Variants in OPCML observed in about 807,000 individuals in gnomAD.
OPCML encodes opioid binding protein/cell adhesion molecule like.
In OPCML, 13 loss-of-function variants were observed where a neutral mutation model predicts 37.8. The ratio of observed to expected loss-of-function variants is 0.34; its 90% CI spans 0.22 to 0.55. The LOEUF (loss-of-function observed/expected upper bound fraction) is 0.55. Ranked by LOEUF, OPCML falls within the 20% of genes least tolerant of loss-of-function variation. The probability of loss-of-function intolerance (pLI) is 0.91; values close to 1 mark genes in which losing one functional copy is unlikely to be tolerated. For synonymous variants in OPCML, 176 were observed against 168.8 expected, an observed-to-expected ratio of 1.04 and a Z score of -0.33; for missense variants, 341 against 435.6, an observed-to-expected ratio of 0.78 and a Z score of 1.93.
rs546846977 is a variant in OPCML at position 133,135,681 on chromosome 11, C to G, written c.62-192671G>C. Among the ~76,000 whole-genome samples, 4 of 152,276 alleles carry G rather than the reference C, an allele frequency of 2.6e-5. No individual in the cohort carries two copies. In the East Asian group the frequency reaches 7.7e-4, roughly 29 times the overall value. Reference sequence around the variant, plus strand: ...GCAGAAGACTCCCAAAATACAGATGCGAAGACTGAGGCTCTATGGAGTTAA... The same window carrying G: ...GCAGAAGACTCCCAAAATACAGATGGGAAGACTGAGGCTCTATGGAGTTAA... On this transcript the variant is annotated intron_variant, in intron 1 of 7. Coordinates refer to ENST00000524381, the MANE Select transcript of OPCML (RefSeq NM_001012393.5).
At chr11:133,219,981 C>T (rs545245156) in intron 1 of OPCML, among the ~76,000 whole-genome samples, 2 of 152,348 alleles carry the variant, frequency 1.3e-5, no homozygotes, top group South Asian at 4.1e-4. Context: ...GAGATAGTTG[C>T]AGTAACATCT....
At chr11:133,335,247 G>A (rs777407258) in intron 1 of OPCML, among the ~76,000 whole-genome samples, 12 of 152,166 alleles carry the variant, frequency 7.9e-5, no homozygotes, top group Non-Finnish European at 1.5e-4. Context: ...TATAATAAAG[G>A]AAGCTCAGGC....
intron 1 of OPCML, among the ~76,000 whole-genome samples, chr11:133,019,522 T>C (rs556258472): frequency 6.6e-6 from 1 of 152,356 alleles, no homozygotes; most frequent in Non-Finnish European, 1.5e-5. Context: ...TCATGTCTTC[T>C]TGTCCATTTC....
At chr11:133,291,627 A>C (rs1942476835) in intron 1 of OPCML, among the ~76,000 whole-genome samples, 1 of 151,918 alleles carries the variant, frequency 6.6e-6, no homozygotes, top group Non-Finnish European at 1.5e-5. Context: ...CACTCTTCCC[A>C]CTGCTTCTTA....
chr11:132,952,941 A>C (rs10750517), intron 1 of OPCML, among the ~76,000 whole-genome samples: 95,648 of 151,996 alleles, frequency 0.63, 30,643 homozygotes, highest in East Asian at 0.72. Flanking sequence ...AGACAAACAA[A>C]AGTAACATGA....
At chr11:133,003,944 C>A in intron 1 of OPCML, 9 of 985,446 alleles carry the variant, frequency 9.1e-6, no homozygotes, top group Non-Finnish European at 1.1e-5. Flanking sequence ...TGGCAGCACC[C>A]GGCACACTGT....
At chr11:132,433,597 A>G (rs774103409) in intron 7 of OPCML, among the ~76,000 whole-genome samples, 1 of 152,134 alleles carries the variant, frequency 6.6e-6, no homozygotes, top group Non-Finnish European at 1.5e-5. Flanking sequence ...GCATCCCTCT[A>G]CTACCGAATG....
At chr11:132,966,990 T>G (rs1946229301) in intron 1 of OPCML, among the ~76,000 whole-genome samples, 1 of 152,012 alleles carries the variant, frequency 6.6e-6, no homozygotes, top group East Asian at 1.9e-4. Context: ...TCTAACAATC[T>G]CTGCCTTTTG....
chr11:133,140,943 A>C lies in OPCML; in HGVS notation c.62-197933T>G, dbSNP rs375406106. ...AAGACGACGACGACGAAGAAGAAGA[A>C]GACGACGAAGAAGAAGAAGAAGAAG... is the stretch of plus-strand genomic sequence containing the variant. On this transcript the variant is annotated intron_variant, in intron 1 of 7. Transcript: ENST00000524381. 2.6e-3 allele frequency among the ~76,000 whole-genome samples: 35 copies of C among 13,672 alleles called. 6 individuals carry two copies. Among genetic ancestry groups the C allele is most frequent in the African/African-American group, 5.2e-3 (32 of 6,194 alleles). The allele number at this position is 13,672 out of a possible 152,430, so 9.0% of individuals were successfully genotyped here. A position where few individuals can be genotyped will look rare whatever the true frequency, so the allele number is the denominator to read the frequency against.
chr11:132,764,253 G>A (rs933291657), intron 2 of OPCML, among the ~76,000 whole-genome samples: 3 of 152,228 alleles, frequency 2.0e-5, no homozygotes, highest in African/African-American at 7.2e-5. Flanking sequence ...GAAAGTGGAA[G>A]TATAGAGTGG....
chr11:132,536,916 T>C (rs2096342276), intron 3 of OPCML, among the ~76,000 whole-genome samples: 1 of 152,270 alleles, frequency 6.6e-6, no homozygotes, highest in Non-Finnish European at 1.5e-5. Context: ...GAGCTGTATG[T>C]GCACTTGTGT....
intron 1 of OPCML, among the ~76,000 whole-genome samples, chr11:133,319,494 G>A (rs532853174): frequency 6.6e-6 from 1 of 152,234 alleles, no homozygotes; most frequent in Non-Finnish European, 1.5e-5. Flanking sequence ...TAGTGGCAAC[G>A]CTTCTGTGAT....
intron 2 of OPCML, among the ~76,000 whole-genome samples, chr11:132,725,208 G>A (rs530708778): frequency 6.2e-4 from 94 of 152,314 alleles, no homozygotes; most frequent in African/African-American, 2.2e-3. Flanking sequence ...ATATCCAGGC[G>A]TTTTCATACA....
intron 1 of OPCML, among the ~76,000 whole-genome samples, chr11:133,130,144 C>A (rs1016345240): frequency 6.6e-6 from 1 of 151,442 alleles, no homozygotes; most frequent in Non-Finnish European, 1.5e-5. Flanking sequence ...AAATAAAAAG[C>A]TACAATGTGT....
At chr11:132,743,644 C>T (rs1945511089) in intron 2 of OPCML, among the ~76,000 whole-genome samples, 1 of 152,184 alleles carries the variant, frequency 6.6e-6, no homozygotes, top group Non-Finnish European at 1.5e-5. Context: ...AAAAGCCAAA[C>T]TTCTGTATTA....
chr11:133,264,962 A>T (rs571355470), intron 1 of OPCML, among the ~76,000 whole-genome samples: 38 of 152,294 alleles, frequency 2.5e-4, no homozygotes, highest in African/African-American at 8.9e-4. Flanking sequence ...CACTAGACAT[A>T]GGAGTGAGGT....
At chr11:132,621,096 A>T (rs770623295) in intron 3 of OPCML, among the ~76,000 whole-genome samples, 6 of 152,268 alleles carry the variant, frequency 3.9e-5, no homozygotes, top group Non-Finnish European at 7.3e-5. Flanking sequence ...TAATGTGGTT[A>T]GCTTGTAAAT....
At chr11:132,503,767 CCAATG>C (rs1268141517) in intron 4 of OPCML, among the ~76,000 whole-genome samples, 2 of 151,726 alleles carry the variant, frequency 1.3e-5, no homozygotes, top group East Asian at 3.9e-4. Flanking sequence ...AGAAATTTAG[CCAATG>C]CAATGAGGTC....
chr11:132,852,904 TA>T (rs200422398), intron 2 of OPCML, among the ~76,000 whole-genome samples: 1,839 of 137,724 alleles, frequency 0.013, 28 homozygotes, highest in African/African-American at 0.035. Context: ...AAAAGGTTGT[TA>T]AAAAAAAAAA....
Sources: allele counts gnomAD v4.1 joint callset (sites outside exome capture counted in the v4.1 genomes callset), GRCh38; gene constraint gnomAD v4.1.1; transcripts MANE v1.5; gene names NCBI Gene and HGNC (gene_info 2026-07-23, HGNC 2026-07-21).